Variants in PIN4 observed in about 807,000 individuals in gnomAD.
The protein encoded by PIN4 is peptidyl-prolyl cis-trans isomerase NIMA-interacting 4.
Under a neutral mutation model 8.3 loss-of-function variants are expected in PIN4, and 3 were observed. The ratio of observed to expected loss-of-function variants is 0.36; its 90% confidence interval spans 0.16 to 0.93. The LOEUF is 0.93. Ranked by LOEUF, PIN4 falls within the 40% of genes least tolerant of loss-of-function variation. PIN4 has a pLI of 0.44. For synonymous variants in PIN4, 18 were observed against 32.5 expected (o/e 0.55, Z 1.52); for missense variants, 75 against 100.6 (o/e 0.75, Z 1.09).
chrX:72,205,647 G>A, intron 3 of PIN4: 5 of 1,211,624 alleles, frequency 4.1e-6, no homozygotes, highest in African/African-American at 1.7e-5. Flanking sequence ...TTATGCTTGA[G>A]GTATCTTTAA....
intron 2 of PIN4, among the ~76,000 whole-genome samples, chrX:72,195,081 A>T (rs1309663756): frequency 8.9e-6 from 1 of 112,198 alleles, no homozygotes; most frequent in Non-Finnish European, 1.9e-5. Context: ...ATTGCCTAAT[A>T]ACTCATTTCT....
chrX:72,259,186 G>A (rs1236108166), intron 3 of PIN4, among the ~76,000 whole-genome samples: 2 of 108,564 alleles, frequency 1.8e-5, no homozygotes, highest in Non-Finnish European at 3.8e-5. Context: ...TGTTGGCCAG[G>A]ATCAGCTAAC....
chrX:72,261,704 C>T (rs1285050745), intron 3 of PIN4, among the ~76,000 whole-genome samples: 1 of 111,989 alleles, frequency 8.9e-6, no homozygotes, highest in Non-Finnish European at 1.9e-5. Flanking sequence ...TTGTCAGTAC[C>T]AGTAATATGA....
At position 72,197,630 on chromosome X, in the gene PIN4, A is replaced by C; in HGVS notation, c.*104A>C. The C allele has an allele frequency of 9.1e-7, 1 of 1,095,457 alleles. No individual in the cohort carries two copies. Among genetic ancestry groups the C allele is most frequent in the South Asian group, 2.4e-5 (1 of 41,813 alleles). 90.3% of individuals were successfully genotyped at this position (1,095,457 alleles called of 1,213,427 possible). ...CAAGGAAATACAAAAATTTTTAAAA[A>C]GAAAAGATATTGGATGCTCCTTGTA... On this transcript the variant is annotated 3_prime_UTR_variant, in exon 4 of 4. Transcript: ENST00000373669.
intron 3 of PIN4, among the ~76,000 whole-genome samples, chrX:72,225,857 G>A (rs1050722389): frequency 1.8e-5 from 2 of 111,234 alleles, no homozygotes; most frequent in African/African-American, 6.6e-5. Context: ...CCCAACCCAT[G>A]GGAGACTCCC....
At chrX:72,262,717 T>C (rs1342045906) in exon 4 of PIN4, 10 of 1,140,453 alleles carry the variant, frequency 8.8e-6, no homozygotes, top group East Asian at 3.3e-5. Context: ...ATTCCCAGCC[T>C]GCAGCAACAT....
At position 72,197,640 on chromosome X, in the gene PIN4, T is replaced by C. The variant is rs1159890837; in HGVS notation, c.*114T>C. ...CAAAAATTTTTAAAAAGAAAAGATA[T>C]TGGATGCTCCTTGTATTCTGTGAAA... On this transcript the variant is annotated 3_prime_UTR_variant, in exon 4 of 4. Coordinates refer to ENST00000373669, the MANE Select transcript of PIN4 (RefSeq NM_006223.4). 9.2e-7 allele frequency: 1 copy of C among 1,086,021 alleles called. No homozygotes were observed. Among genetic ancestry groups the C allele is most frequent in the Non-Finnish European group, 1.2e-6 (1 of 832,867 alleles). 89.5% of individuals were successfully genotyped at this position (1,086,021 alleles called of 1,213,427 possible).
chrX:72,197,280 G>A, intron 3 of PIN4, 88 bp from the exon 4 acceptor site: 1 of 870,727 alleles, frequency 1.1e-6, no homozygotes, highest in Non-Finnish European at 1.6e-6. Context: ...CGTAACCTTA[G>A]CAAAATGTTG....
intron 3 of PIN4, chrX:72,239,183 G>A (rs73624223): frequency 2.8e-6 from 1 of 357,682 alleles, no homozygotes; most frequent in East Asian, 4.6e-5. Flanking sequence ...CTCTGCCTTC[G>A]AGACACGGAG....
At chrX:72,202,773 C>T (rs925011529), downstream of PIN4, among the ~76,000 whole-genome samples, 1 of 111,954 alleles carries the variant, frequency 8.9e-6, no homozygotes, top group East Asian at 2.8e-4. Flanking sequence ...TTTTGAACTT[C>T]TGTAATCTCT....
At chrX:72,229,125 C>A (rs1368645290) in intron 3 of PIN4, among the ~76,000 whole-genome samples, 3 of 111,554 alleles carry the variant, frequency 2.7e-5, no homozygotes, top group Non-Finnish European at 5.6e-5. Flanking sequence ...CATTAAAGGG[C>A]CTATAACTAA....
intron 3 of PIN4, among the ~76,000 whole-genome samples, chrX:72,204,191 G>A (rs1349142533): frequency 8.9e-6 from 1 of 112,438 alleles, no homozygotes; most frequent in Non-Finnish European, 1.9e-5. Context: ...GAGATATTTT[G>A]GAGATGGGAT....
chrX:72,202,808 G>A (rs1355617661), downstream of PIN4, among the ~76,000 whole-genome samples: 1 of 111,998 alleles, frequency 8.9e-6, no homozygotes, highest in Non-Finnish European at 1.9e-5. Context: ...GATTATTAAT[G>A]TGTATATACA....
intron 2 of PIN4, among the ~76,000 whole-genome samples, chrX:72,192,319 AAGTT>A (rs1383916266): frequency 3.6e-5 from 4 of 111,598 alleles, no homozygotes; most frequent in African/African-American, 1.3e-4. Context: ...TTTTCAAACA[AAGTT>A]AGTTTGTTTG....
chrX:72,236,147 G>T (rs1180326128), intron 3 of PIN4, among the ~76,000 whole-genome samples: 1 of 111,293 alleles, frequency 9.0e-6, no homozygotes, highest in Non-Finnish European at 1.9e-5. Flanking sequence ...GTGTAATAAT[G>T]TAAGTGTAAT....
intron 3 of PIN4, 31 bp from the exon 4 acceptor site, chrX:72,197,337 C>T (rs1308436206): frequency 1.7e-6 from 2 of 1,174,985 alleles, no homozygotes; most frequent in Admixed American, 4.8e-5. Context: ...TTCTGGGCCA[C>T]TTGATATCAC....
intron 3 of PIN4, among the ~76,000 whole-genome samples, chrX:72,246,991 T>C (rs1452666889): frequency 9.0e-6 from 1 of 111,639 alleles, no homozygotes; most frequent in Non-Finnish European, 1.9e-5. Context: ...GACCAGTAAA[T>C]AGTTGTTGGA....
intron 1 of PIN4, among the ~76,000 whole-genome samples, chrX:72,185,140 T>C (rs1439753296): frequency 2.5e-4 from 1 of 3,947 alleles, no homozygotes; most frequent in African/African-American, 3.3e-4. Flanking sequence ...AGAGCGAGAC[T>C]CCGTCTCAAA....
At chrX:72,255,273 A>T (rs200230469) in intron 3 of PIN4, among the ~76,000 whole-genome samples, 4 of 96,399 alleles carry the variant, frequency 4.1e-5, no homozygotes, top group Admixed American at 1.1e-4. Context: ...CCATCTCTAA[A>T]AATAATAATA....
Sources: gnomAD v4.1 joint callset for allele counts (sites outside exome capture counted in the v4.1 genomes callset) on GRCh38, gnomAD v4.1.1 for gene constraint, MANE v1.5 for transcripts, NCBI Gene and HGNC (gene_info 2026-07-23, HGNC 2026-07-21) for gene names.